The following MNAT1 variants were observed in gnomAD, a reference collection of about 807,000 sequenced individuals.
The protein encoded by MNAT1 is CDK-activating kinase assembly factor MAT1.
MNAT1 carries 43 observed loss-of-function variants against 42.0 expected under a neutral mutation model. That is an observed-to-expected ratio of 1.02 (90% CI 0.80 to 1.32). The LOEUF (loss-of-function observed/expected upper bound fraction) is 1.32, where lower values mean the gene tolerates loss of function less well. MNAT1 is among the 40% of genes most tolerant of loss of function. The probability of loss-of-function intolerance (pLI) is 0.00; values close to 1 mark genes in which losing one functional copy is unlikely to be tolerated. For missense variants in MNAT1, 306 were observed against 350.4 expected (o/e 0.87, Z 1.01); for synonymous variants, 118 against 120.0 (o/e 0.98, Z 0.11).
At chr14:60,888,234 A>G (rs1368079204) in intron 7 of MNAT1, among the ~76,000 whole-genome samples, 1 of 149,390 alleles carries the variant, frequency 6.7e-6, no homozygotes, top group Non-Finnish European at 1.5e-5. Flanking sequence ...GCAGCACATC[A>G]AAAAGCTTAT....
rs1436026692 is a variant in MNAT1 at position 60,797,994 on chromosome 14, C to T, written c.243-93C>T. 3 of 619,462 alleles carry T rather than the reference C, an allele frequency of 4.8e-6. No homozygotes were observed. The African/African-American group carries it at 5.6e-5, about 12-fold the overall frequency. 38.4% of individuals were successfully genotyped at this position (619,462 alleles called of 1,614,324 possible). A position where few individuals can be genotyped will look rare whatever the true frequency, so the allele number is the denominator to read the frequency against. ...CAGTAAGCAATTCTTTTCCATGTAT[C>T]ATATATGAATTAGGTCAGAACAAGC... On this transcript the variant is annotated intron_variant, in intron 2 of 7. Coordinates refer to ENST00000261245, the MANE Select transcript of MNAT1 (RefSeq NM_002431.4).
chr14:60,950,621 C>T (rs1364543823), intron 7 of MNAT1, among the ~76,000 whole-genome samples: 2 of 152,102 alleles, frequency 1.3e-5, no homozygotes, highest in Admixed American at 1.3e-4. Flanking sequence ...AGCTTATTAG[C>T]TATCGTTAGT....
chr14:60,927,495 C>T (rs972231134), intron 7 of MNAT1, among the ~76,000 whole-genome samples: 2 of 152,228 alleles, frequency 1.3e-5, no homozygotes, highest in African/African-American at 4.8e-5. Flanking sequence ...AGTACAGTCT[C>T]ACAGGGCCCC....
intron 4 of MNAT1, 21 bp from the exon 5 acceptor site, chr14:60,811,966 A>G (rs2020892): frequency 0.31 from 481,876 of 1,542,056 alleles, 81,137 homozygotes; most frequent in Admixed American, 0.49. Flanking sequence ...ATTCCACGCC[A>G]TATATAAATT....
intron 6 of MNAT1, among the ~76,000 whole-genome samples, chr14:60,869,019 T>C (rs1359891788): frequency 1.8e-5 from 2 of 111,692 alleles, no homozygotes; most frequent in East Asian, 6.2e-4. Context: ...TGTGTTATTT[T>C]ATACATATAT....
At chr14:60,750,195 T>C (rs2030014569) in intron 1 of MNAT1, among the ~76,000 whole-genome samples, 2 of 152,090 alleles carry the variant, frequency 1.3e-5, no homozygotes, top group African/African-American at 2.4e-5. Context: ...AGTTCTTCTT[T>C]TGAGTCATTA....
At chr14:60,738,267 T>G (rs1243324388) in intron 1 of MNAT1, among the ~76,000 whole-genome samples, 1 of 148,942 alleles carries the variant, frequency 6.7e-6, no homozygotes, top group South Asian at 2.1e-4. Context: ...TTTTTTTTTT[T>G]TTTTTTGAGA....
chr14:60,929,688 C>T (rs1489810554), intron 7 of MNAT1, among the ~76,000 whole-genome samples: 1 of 152,036 alleles, frequency 6.6e-6, no homozygotes, highest in East Asian at 1.9e-4. Context: ...TCCTGAATTA[C>T]ACATTTAGCT....
intron 6 of MNAT1, among the ~76,000 whole-genome samples, chr14:60,844,995 GA>G (rs1255904833): frequency 2.6e-4 from 39 of 151,892 alleles, no homozygotes; most frequent in Admixed American, 2.6e-3. Flanking sequence ...AATTCAATTT[GA>G]TAATATTTTT....
intron 1 of MNAT1, among the ~76,000 whole-genome samples, chr14:60,748,607 C>T (rs140148784): frequency 1.6e-4 from 24 of 152,302 alleles, no homozygotes; most frequent in African/African-American, 5.5e-4. Context: ...ATACATTAGC[C>T]TAGACCTACA....
At chr14:60,770,736 A>T (rs1014453814) in intron 1 of MNAT1, among the ~76,000 whole-genome samples, 4 of 152,066 alleles carry the variant, frequency 2.6e-5, no homozygotes, top group Non-Finnish European at 4.4e-5. Context: ...TGGTTGCGTT[A>T]TTTTATATTT....
At chr14:60,839,899 C>T (rs1388380400) in intron 6 of MNAT1, among the ~76,000 whole-genome samples, 2 of 152,234 alleles carry the variant, frequency 1.3e-5, no homozygotes, top group Non-Finnish European at 2.9e-5. Flanking sequence ...CTGTGCCAGA[C>T]TCGCCTTTGG....
chr14:60,824,950 C>G (rs2033009284), intron 6 of MNAT1, among the ~76,000 whole-genome samples: 1 of 151,406 alleles, frequency 6.6e-6, no homozygotes, highest in African/African-American at 2.4e-5. Flanking sequence ...ATCACTTACC[C>G]CCACCCCATT....
At chr14:60,855,890 G>A (rs181396051) in intron 6 of MNAT1, among the ~76,000 whole-genome samples, 4 of 152,230 alleles carry the variant, frequency 2.6e-5, no homozygotes, top group African/African-American at 9.6e-5. Flanking sequence ...AAACTTAATC[G>A]ATAAATGTTG....
chr14:60,814,629 G>A (rs780273388), intron 5 of MNAT1, among the ~76,000 whole-genome samples: 4 of 151,988 alleles, frequency 2.6e-5, no homozygotes, highest in Non-Finnish European at 5.9e-5. Context: ...TTAACCAGGA[G>A]TAAAAAAAGA....
chr14:60,798,482 T>A (rs2032092546), intron 3 of MNAT1, among the ~76,000 whole-genome samples: 1 of 152,144 alleles, frequency 6.6e-6, no homozygotes, highest in South Asian at 2.1e-4. Context: ...ATGGAAAACA[T>A]ATTCTGATTT....
chr14:60,837,563 A>G (rs967736902), intron 6 of MNAT1, among the ~76,000 whole-genome samples: 1 of 152,208 alleles, frequency 6.6e-6, no homozygotes, highest in African/African-American at 2.4e-5. Context: ...CTGTCTAACC[A>G]GGCCCAGTGA....
chr14:60,785,867 C>A (rs1288847049), intron 1 of MNAT1, among the ~76,000 whole-genome samples: 2 of 152,020 alleles, frequency 1.3e-5, no homozygotes, highest in Non-Finnish European at 2.9e-5. Flanking sequence ...GAAATAGCAT[C>A]TTGACTAGTT....
chr14:60,885,934 G>GT (rs2034658871), intron 7 of MNAT1, among the ~76,000 whole-genome samples: 1 of 151,904 alleles, frequency 6.6e-6, no homozygotes, highest in African/African-American at 2.4e-5. Flanking sequence ...TTGAGTTGAT[G>GT]TTTTTTAATA....
Sources: allele counts gnomAD v4.1 joint callset (sites outside exome capture counted in the v4.1 genomes callset), GRCh38; gene constraint gnomAD v4.1.1; transcripts MANE v1.5; gene names NCBI Gene and HGNC (gene_info 2026-07-23, HGNC 2026-07-21).